Variants in MGAT5 observed in about 807,000 individuals in gnomAD.
MGAT5 encodes alpha-1,6-mannosylglycoprotein 6-beta-N-acetylglucosaminyltransferase A.
MGAT5 carries 30 observed loss-of-function variants against 94.3 expected under a neutral mutation model. The observed-to-expected ratio is 0.32, with a 90% CI of 0.24 to 0.43. The LOEUF (loss-of-function observed/expected upper bound fraction) is 0.43, where lower values mean the gene tolerates loss of function less well. MGAT5 is among the 20% of genes least tolerant of loss of function. MGAT5 has a pLI of 1.00. For synonymous variants in MGAT5, 310 were observed against 322.9 expected, an observed-to-expected ratio of 0.96 and a Z score of 0.43; for missense variants, 691 against 905.5, an observed-to-expected ratio of 0.76 and a Z score of 3.04.
At chr2:134,256,897 G>C (rs2105529687) in intron 1 of MGAT5, among the ~76,000 whole-genome samples, 1 of 152,274 alleles carries the variant, frequency 6.6e-6, no homozygotes, top group East Asian at 1.9e-4. Context: ...TGGGAGCTGA[G>C]TTTCTGGAAT....
intron 1 of MGAT5, among the ~76,000 whole-genome samples, chr2:134,124,278 CTG>C (rs1246008219): frequency 6.6e-6 from 1 of 152,212 alleles, no homozygotes; most frequent in African/African-American, 2.4e-5. Flanking sequence ...TGGACTCGAG[CTG>C]TGTGTTTGCC....
chr2:134,354,486 A>C (rs1365390676), intron 9 of MGAT5, among the ~76,000 whole-genome samples: 1 of 152,144 alleles, frequency 6.6e-6, no homozygotes, highest in Non-Finnish European at 1.5e-5. Flanking sequence ...GCTGGACCGG[A>C]ATGTGTTTGC....
chr2:134,282,625 G>A (rs1465739421), intron 2 of MGAT5, among the ~76,000 whole-genome samples: 1 of 152,236 alleles, frequency 6.6e-6, no homozygotes. Flanking sequence ...AGGCACTGGA[G>A]ATAGTGATGA....
intron 1 of MGAT5, among the ~76,000 whole-genome samples, chr2:134,182,113 G>A (rs759289720): frequency 6.6e-6 from 1 of 152,150 alleles, no homozygotes; most frequent in Non-Finnish European, 1.5e-5. Flanking sequence ...ATATAATATT[G>A]AGGCTCAGAA....
chr2:134,234,557 A>G (rs1681535687), intron 1 of MGAT5, among the ~76,000 whole-genome samples: 1 of 152,230 alleles, frequency 6.6e-6, no homozygotes, highest in African/African-American at 2.4e-5. Flanking sequence ...CTACCTTGAC[A>G]GTCTTTGTGG....
At chr2:134,286,780 T>G (rs908052729) in intron 2 of MGAT5, among the ~76,000 whole-genome samples, 1 of 152,222 alleles carries the variant, frequency 6.6e-6, no homozygotes, top group African/African-American at 2.4e-5. Context: ...ATACATTCGT[T>G]GCATATAAAA....
intron 11 of MGAT5, among the ~76,000 whole-genome samples, chr2:134,406,131 T>A (rs3791297): frequency 0.082 from 12,430 of 152,254 alleles, 671 homozygotes; most frequent in South Asian, 0.16. Context: ...TCTTTTAAAG[T>A]GGCTTCTTTC....
At chr2:134,303,097 T>A (rs1573746573) in intron 2 of MGAT5, among the ~76,000 whole-genome samples, 1 of 152,174 alleles carries the variant, frequency 6.6e-6, no homozygotes, top group African/African-American at 2.4e-5. Flanking sequence ...TCATGGAGAC[T>A]CTATGTGTTT....
intron 1 of MGAT5, among the ~76,000 whole-genome samples, chr2:134,240,447 G>A (rs1681918092): frequency 6.6e-6 from 1 of 151,924 alleles, no homozygotes; most frequent in African/African-American, 2.4e-5. Flanking sequence ...AGACGGAAGA[G>A]TGAAAGCCTA....
chr2:134,359,703 G>A (rs970180389), intron 9 of MGAT5, among the ~76,000 whole-genome samples: 1 of 152,142 alleles, frequency 6.6e-6, no homozygotes, highest in African/African-American at 2.4e-5. Context: ...CTAAGGCAGA[G>A]CAAAAAAGAA....
At chr2:134,320,611 G>A (rs1687257436) in intron 4 of MGAT5, among the ~76,000 whole-genome samples, 1 of 151,964 alleles carries the variant, frequency 6.6e-6, no homozygotes, top group Non-Finnish European at 1.5e-5. Context: ...TTTTTATTCT[G>A]TCCCCCGTTT....
At chr2:134,381,399 TAG>T (rs1681583982) in intron 10 of MGAT5, among the ~76,000 whole-genome samples, 1 of 84,624 alleles carries the variant, frequency 1.2e-5, no homozygotes, top group African/African-American at 4.1e-5. Flanking sequence ...GATAGATAGA[TAG>T]ATAGATAGAT....
intron 12 of MGAT5, among the ~76,000 whole-genome samples, chr2:134,414,159 GGTTT>G (rs1683831513): frequency 7.2e-6 from 1 of 138,142 alleles, no homozygotes. Flanking sequence ...GTGTGTGTGT[GGTTT>G]TTTTTTTTTT....
At chr2:134,429,060 AC>A (rs1182903369) in intron 14 of MGAT5, among the ~76,000 whole-genome samples, 4 of 152,340 alleles carry the variant, frequency 2.6e-5, no homozygotes, top group Admixed American at 6.5e-5. Context: ...CAAAAGCAAC[AC>A]AGAGCTAGAA....
chr2:134,416,936 A>G (rs1256717536), intron 12 of MGAT5, among the ~76,000 whole-genome samples: 3 of 150,788 alleles, frequency 2.0e-5, no homozygotes, highest in African/African-American at 7.3e-5. Flanking sequence ...AAAAATATAT[A>G]TATTTCACTC....
At chr2:134,443,606 C>G (rs1404452032) in intron 15 of MGAT5, among the ~76,000 whole-genome samples, 1 of 152,198 alleles carries the variant, frequency 6.6e-6, no homozygotes, top group Non-Finnish European at 1.5e-5. Context: ...TGGGGCGGCA[C>G]CCTGCTCTGC....
Position 134,362,303 on chromosome 2 carries a change from G to C in MGAT5, c.1275G>C (p.Gly425=). The stretch of plus-strand genomic sequence containing the variant: ...ATACCCCAGACAACAGCTTTCTGGG[G>C]TTTGTGGTTGAGCAGCACCTGAACT... ...FPHTPDNSFL[G]FVVEQHLNSS... Residue 425 remains glycine (G), a synonymous_variant, in exon 10 of 16, where the codon GGG becomes GGC. Coordinates refer to ENST00000281923, the MANE Select transcript of MGAT5 (RefSeq NM_002410.5). 1 of 1,614,002 alleles carries C rather than the reference G, an allele frequency of 6.2e-7. No homozygotes were observed. The highest frequency in any genetic ancestry group is 8.5e-7 in the Non-Finnish European group (1 of 1,179,878).
chr2:134,357,696 G>C (rs1679831065), intron 9 of MGAT5, among the ~76,000 whole-genome samples: 1 of 152,172 alleles, frequency 6.6e-6, no homozygotes, highest in Non-Finnish European at 1.5e-5. Context: ...GCTTTCAGGA[G>C]TGTTACTCTT....
At position 134,191,769 on chromosome 2, in the gene MGAT5, T is replaced by A. The variant is rs1325332972; in HGVS notation, c.-142-62493T>A. 2.1e-5 allele frequency among the ~76,000 whole-genome samples: 3 copies of A among 143,874 alleles called. No homozygotes were observed. The East Asian group carries it at 6.5e-4, about 31-fold the overall frequency. The allele number at this position is 143,874 out of a possible 152,430, so 94.4% of individuals were successfully genotyped here. On this transcript the variant is annotated intron_variant, in intron 1 of 16. Coordinates refer to the MGAT5 transcript ENST00000409645. ...CCTCCTCCTTGCGCTAGCAGGTTCC[T>A]GATGGTAGGGTGGTTTCGTGCCCTC...
Sources: gnomAD v4.1 joint callset for allele counts (sites outside exome capture counted in the v4.1 genomes callset) on GRCh38, gnomAD v4.1.1 for gene constraint, MANE v1.5 for transcripts, NCBI Gene and HGNC (gene_info 2026-07-23, HGNC 2026-07-21) for gene names.